Variants in ZFHX3 observed in about 807,000 individuals in gnomAD.
The protein encoded by ZFHX3 is zinc finger homeobox 3.
In ZFHX3, 42 loss-of-function variants were observed where a neutral mutation model predicts 279.1. The ratio of observed to expected loss-of-function variants is 0.15; its 90% confidence interval spans 0.12 to 0.19. ZFHX3 has a LOEUF of 0.19. ZFHX3 is among the 10% of genes least tolerant of loss of function. ZFHX3 has a pLI of 1.00. For synonymous variants in ZFHX3, 2,293 were observed against 1,957.8 expected, an observed-to-expected ratio of 1.17 and a Z score of -4.52; for missense variants, 4,981 against 4,754.0, an observed-to-expected ratio of 1.05 and a Z score of -1.40.
intron 1 of ZFHX3, among the ~76,000 whole-genome samples, chr16:72,963,967 A>G (rs1004556728): frequency 2.0e-5 from 3 of 152,224 alleles, no homozygotes. Context: ...AGGGGAAGGG[A>G]GGAAAAACAA....
At chr16:73,841,562 C>G (rs947192770) in intron 1 of ZFHX3, among the ~76,000 whole-genome samples, 1 of 152,062 alleles carries the variant, frequency 6.6e-6, no homozygotes, top group Non-Finnish European at 1.5e-5. Context: ...ACCTAGCAAC[C>G]AGGCAGATAC....
chr16:72,922,936 T>G (rs1044863321), intron 3 of ZFHX3, among the ~76,000 whole-genome samples: 4 of 152,090 alleles, frequency 2.6e-5, no homozygotes, highest in Admixed American at 6.6e-5. Flanking sequence ...ATTAGAGCAC[T>G]AAGTCCATAT....
chr16:73,345,666 GT>G (rs2016110861), intron 3 of ZFHX3, among the ~76,000 whole-genome samples: 1 of 152,114 alleles, frequency 6.6e-6, no homozygotes, highest in Non-Finnish European at 1.5e-5. Context: ...TTGATTCCAT[GT>G]CTTGGATATT....
chr16:73,850,082 C>T (rs368508379), intron 1 of ZFHX3, among the ~76,000 whole-genome samples: 3 of 152,270 alleles, frequency 2.0e-5, no homozygotes, highest in African/African-American at 4.8e-5. Context: ...TAATTTGCCA[C>T]GATTTACTTT....
chr16:72,896,913 G>A (rs938011158), intron 3 of ZFHX3, among the ~76,000 whole-genome samples: 4 of 152,210 alleles, frequency 2.6e-5, no homozygotes, highest in Non-Finnish European at 1.5e-5. Context: ...TTCCTCAGGA[G>A]TACCACCTGT....
intron 1 of ZFHX3, among the ~76,000 whole-genome samples, chr16:73,839,163 C>G (rs1961225382): frequency 6.6e-6 from 1 of 151,314 alleles, no homozygotes; most frequent in Non-Finnish European, 1.5e-5. Flanking sequence ...GGGCACACAT[C>G]CTGGTGAACA....
chr16:73,814,268 C>T (rs1366504626), intron 1 of ZFHX3, among the ~76,000 whole-genome samples: 2 of 152,124 alleles, frequency 1.3e-5, no homozygotes, highest in African/African-American at 2.4e-5. Context: ...AAATGGTAGC[C>T]AGACAGATTC....
chr16:73,390,349 G>A (rs2016986493), intron 3 of ZFHX3, among the ~76,000 whole-genome samples: 1 of 152,118 alleles, frequency 6.6e-6, no homozygotes, highest in African/African-American at 2.4e-5. Flanking sequence ...AGTGTTAGAA[G>A]CTTCTGGAGG....
At chr16:73,479,851 T>C (rs1164240473) in intron 2 of ZFHX3, among the ~76,000 whole-genome samples, 1 of 152,168 alleles carries the variant, frequency 6.6e-6, no homozygotes, top group Non-Finnish European at 1.5e-5. Context: ...AGGTCCATTA[T>C]CCTATTAAAC....
intron 2 of ZFHX3, among the ~76,000 whole-genome samples, chr16:73,656,131 T>C (rs868049699): frequency 7.9e-5 from 12 of 151,954 alleles, no homozygotes; most frequent in African/African-American, 2.9e-4. Flanking sequence ...AACAAAGCTT[T>C]AGTGGAACAC....
intron 4 of ZFHX3, among the ~76,000 whole-genome samples, chr16:72,858,395 C>T (rs922721090): frequency 6.6e-6 from 1 of 152,108 alleles, no homozygotes; most frequent in Non-Finnish European, 1.5e-5. Flanking sequence ...TTTTTGTAAC[C>T]CCCTTAAACA....
chr16:73,687,284 G>A (rs2053098768), intron 1 of ZFHX3, among the ~76,000 whole-genome samples: 1 of 150,512 alleles, frequency 6.6e-6, no homozygotes, highest in Non-Finnish European at 1.5e-5. Context: ...TCCAGCTACT[G>A]GGGAGGCTTA....
At chr16:73,035,999 T>G (rs562051579) in intron 1 of ZFHX3, among the ~76,000 whole-genome samples, 1 of 152,352 alleles carries the variant, frequency 6.6e-6, no homozygotes, top group Admixed American at 6.5e-5. Flanking sequence ...TCCAGCCTGA[T>G]TTCTTACTAT....
intron 1 of ZFHX3, among the ~76,000 whole-genome samples, chr16:72,992,319 T>C (rs1018810071): frequency 1.1e-4 from 17 of 152,162 alleles, no homozygotes; most frequent in African/African-American, 3.6e-4. Flanking sequence ...GCGAGGATCC[T>C]ACAGCCCAGA....
At chr16:72,901,410 T>A (rs574061591) in intron 3 of ZFHX3, among the ~76,000 whole-genome samples, 54 of 152,190 alleles carry the variant, frequency 3.5e-4, no homozygotes, top group Non-Finnish European at 7.1e-4. Flanking sequence ...AATACATTCA[T>A]CACCTTCATA....
Position 72,950,494 on chromosome 16 carries a change from T to C in ZFHX3, c.3191A>G (p.His1064Arg). ...CTTGTACAACTTCAGGCTGGCCTCGTGCCTGGAGTTGACCGTGTGCAGCCG... is the reference window on the plus strand; with the variant it reads ...CTTGTACAACTTCAGGCTGGCCTCGCGCCTGGAGTTGACCGTGTGCAGCCG... ...KLRLHTVNSR[H>R]EASLKLYKHL... Residue 1064 changes from histidine (H) to arginine (R), a missense_variant, in exon 3 of 10, where the codon CAC becomes CGC. This residue lies in a region of ZFHX3 where 1,751 missense variants were observed against 1,770.0 expected (regional missense o/e 0.99). Transcript: ENST00000268489. The C allele has an allele frequency of 6.2e-7, 1 of 1,614,050 alleles. No homozygotes were observed. The highest frequency in any genetic ancestry group is 8.5e-7 in the Non-Finnish European group (1 of 1,179,860).
intron 1 of ZFHX3, among the ~76,000 whole-genome samples, chr16:73,886,994 C>T (rs2030367903): frequency 1.3e-5 from 2 of 152,104 alleles, no homozygotes; most frequent in Non-Finnish European, 2.9e-5. Context: ...TTCCGCTGCT[C>T]TCTGGAAGAG....
chr16:73,511,499 C>G (rs1255909374), intron 2 of ZFHX3, among the ~76,000 whole-genome samples: 1 of 152,192 alleles, frequency 6.6e-6, no homozygotes, highest in Non-Finnish European at 1.5e-5. Context: ...ATTCTGTGCT[C>G]TCTGTGAAAT....
At chr16:73,421,867 T>C (rs755175772) in intron 3 of ZFHX3, among the ~76,000 whole-genome samples, 20 of 152,118 alleles carry the variant, frequency 1.3e-4, no homozygotes, top group Non-Finnish European at 2.5e-4. Flanking sequence ...CCTTGACTTA[T>C]AATGAGGGAA....
Sources: allele counts gnomAD v4.1 joint callset (sites outside exome capture counted in the v4.1 genomes callset), GRCh38; gene constraint gnomAD v4.1.1; regional missense constraint gnomAD v4.1.1; transcripts MANE v1.5; gene names NCBI Gene and HGNC (gene_info 2026-07-23, HGNC 2026-07-21).